Variants in SUSD6 observed in about 807,000 individuals in gnomAD.
SUSD6 encodes the protein sushi domain containing 6.
SUSD6 carries 16 observed loss-of-function variants against 28.4 expected under a neutral mutation model. That is an observed-to-expected ratio of 0.56 (90% CI 0.38 to 0.86). SUSD6 has a LOEUF of 0.86. Ranked by LOEUF, SUSD6 falls within the 40% of genes least tolerant of loss-of-function variation. SUSD6 has a pLI of 0.00. For synonymous variants in SUSD6, 147 were observed against 159.6 expected (o/e 0.92, Z 0.59); for missense variants, 341 against 384.2 (o/e 0.89, Z 0.94).
intron 1 of SUSD6, among the ~76,000 whole-genome samples, chr14:69,646,981 A>C (rs1352583439): frequency 6.6e-6 from 1 of 152,174 alleles, no homozygotes. Flanking sequence ...GATTACAGGC[A>C]TGAGCCACAG....
chr14:69,692,038 CAAAAAA>C (rs200335924), intron 2 of SUSD6, among the ~76,000 whole-genome samples: 1 of 68,312 alleles, frequency 1.5e-5, no homozygotes, highest in African/African-American at 4.8e-5. Flanking sequence ...GACTCCGTCT[CAAAAAA>C]AAAAAAAAAA....
intron 1 of SUSD6, among the ~76,000 whole-genome samples, chr14:69,650,112 C>T (rs1885481767): frequency 6.6e-6 from 1 of 152,152 alleles, no homozygotes; most frequent in Non-Finnish European, 1.5e-5. Context: ...GGGAGGCTCA[C>T]TTGTTTAACC....
intron 1 of SUSD6, among the ~76,000 whole-genome samples, chr14:69,640,474 A>T (rs984379272): frequency 1.3e-5 from 2 of 152,036 alleles, no homozygotes; most frequent in African/African-American, 4.8e-5. Flanking sequence ...AGCCAGGACT[A>T]CAGGTGCACA....
chr14:69,653,127 T>C (rs890542150), intron 1 of SUSD6, among the ~76,000 whole-genome samples: 1 of 152,138 alleles, frequency 6.6e-6, no homozygotes, highest in Non-Finnish European at 1.5e-5. Flanking sequence ...TTCTTCCTCA[T>C]TGGAGGAACT....
intron 4 of SUSD6, among the ~76,000 whole-genome samples, chr14:69,705,207 A>G (rs1252016508): frequency 6.6e-6 from 1 of 151,430 alleles, no homozygotes; most frequent in Non-Finnish European, 1.5e-5. Context: ...AGTCCCAGCT[A>G]CTCTGGAGGC....
intron 2 of SUSD6, among the ~76,000 whole-genome samples, chr14:69,686,304 T>C (rs577676476): frequency 6.6e-6 from 1 of 152,344 alleles, no homozygotes; most frequent in Non-Finnish European, 1.5e-5. Context: ...TTAGATATTT[T>C]ATGATCTTTT....
intron 2 of SUSD6, among the ~76,000 whole-genome samples, chr14:69,668,739 T>TG (rs1249156411): frequency 1.3e-5 from 2 of 152,154 alleles, no homozygotes; most frequent in Admixed American, 6.5e-5. Context: ...GGGAGGTGTT[T>TG]GGATCATGGG....
rs189624169 is a variant in SUSD6 at position 69,640,329 on chromosome 14, A to T, written c.-80-18184A>T. The stretch of plus-strand genomic sequence containing the variant: ...TTTATATATATATACACACACACAT[A>T]TAATATATAATATATATATTTGGAG... On this transcript the variant is annotated intron_variant, in intron 1 of 5. Coordinates refer to ENST00000342745, the MANE Select transcript of SUSD6 (RefSeq NM_014734.4). Among the ~76,000 whole-genome samples, 9 of 151,922 alleles carry T rather than the reference A, an allele frequency of 5.9e-5. No individual in the cohort carries two copies. The East Asian group carries it at 1.7e-3, about 29-fold the overall frequency.
rs180722652 is a variant in SUSD6, at chr14:69,664,645, C to T, written c.121+5932C>T. Among the ~76,000 whole-genome samples the T allele has an allele frequency of 5.7e-4, 87 of 152,222 alleles. 1 individual carries two copies. In the South Asian group the frequency reaches 0.01, roughly 18 times the overall value. On this transcript the variant is annotated intron_variant, in intron 2 of 5. Transcript: ENST00000342745. ...TGTTGTGCCATGTTTAAAACATTGACAACACATGGTACCACCCTCGCACTG... is the reference window on the plus strand; with the variant it reads ...TGTTGTGCCATGTTTAAAACATTGATAACACATGGTACCACCCTCGCACTG...
intron 1 of SUSD6, among the ~76,000 whole-genome samples, chr14:69,635,582 C>T (rs1405231766): frequency 2.0e-5 from 3 of 148,294 alleles, no homozygotes; most frequent in Non-Finnish European, 4.5e-5. Flanking sequence ...GCCCCCACTC[C>T]ACCCAAGGCA....
chr14:69,700,470 A>G (rs2139643662), intron 2 of SUSD6, among the ~76,000 whole-genome samples: 1 of 152,286 alleles, frequency 6.6e-6, no homozygotes, highest in South Asian at 2.1e-4. Context: ...TCCTTTTGTA[A>G]GGAAGGTCCT....
intron 2 of SUSD6, among the ~76,000 whole-genome samples, chr14:69,669,062 C>CTTTTTTTTTT (rs58962166): frequency 3.1e-4 from 24 of 77,948 alleles, no homozygotes; most frequent in East Asian, 1.0e-3. Flanking sequence ...CTTTTCTTTT[C>CTTTTTTTTTT]TTTTTTTTTT....
chr14:69,616,280 A>G (rs1423396623), intron 1 of SUSD6, among the ~76,000 whole-genome samples: 2 of 152,234 alleles, frequency 1.3e-5, no homozygotes, highest in Non-Finnish European at 2.9e-5. Flanking sequence ...TACCCTTTGT[A>G]GAGGAGAGGG....
At position 69,621,689 on chromosome 14, in the gene SUSD6, C is replaced by T. The variant is rs116321705; in HGVS notation, c.-81+9861C>T. On this transcript the variant is annotated intron_variant, in intron 1 of 5. Coordinates refer to ENST00000342745, the MANE Select transcript of SUSD6 (RefSeq NM_014734.4). ...TTTGGAGAGAAATATATTTAGTATC[C>T]AGTGTGTCAGGTTGCAGGCAAGGAA... 1.7e-3 allele frequency among the ~76,000 whole-genome samples: 261 copies of T among 152,278 alleles called. 1 individual carries two copies. The highest frequency in any genetic ancestry group is 5.9e-3 in the African/African-American group (244 of 41,534).
At chr14:69,698,164 C>T (rs560026099) in intron 2 of SUSD6, among the ~76,000 whole-genome samples, 12 of 152,312 alleles carry the variant, frequency 7.9e-5, no homozygotes, top group African/African-American at 2.6e-4. Context: ...CCTGTCTCTA[C>T]TAAAAATACA....
At chr14:69,649,447 G>A (rs1003421043) in intron 1 of SUSD6, among the ~76,000 whole-genome samples, 2 of 152,262 alleles carry the variant, frequency 1.3e-5, no homozygotes, top group East Asian at 1.9e-4. Flanking sequence ...AATTACAGTC[G>A]CCTCTGCCAA....
chr14:69,682,992 T>C (rs1886020758), intron 2 of SUSD6, among the ~76,000 whole-genome samples: 1 of 146,662 alleles, frequency 6.8e-6, no homozygotes, highest in Admixed American at 7.0e-5. Context: ...ATTTTTACTT[T>C]CCTCTTATGG....
chr14:69,645,883 G>T (rs1406913988), intron 1 of SUSD6, among the ~76,000 whole-genome samples: 1 of 152,006 alleles, frequency 6.6e-6, no homozygotes, highest in Non-Finnish European at 1.5e-5. Context: ...CCAAGTAGCT[G>T]GGACTACAGG....
chr14:69,619,334 C>T (rs1410926660), intron 1 of SUSD6, among the ~76,000 whole-genome samples: 1 of 152,218 alleles, frequency 6.6e-6, no homozygotes, highest in Admixed American at 6.5e-5. Flanking sequence ...GGCTGCTCTG[C>T]CTATGGAGCA....
Sources: gnomAD v4.1 joint callset for allele counts (sites outside exome capture counted in the v4.1 genomes callset) on GRCh38, gnomAD v4.1.1 for gene constraint, MANE v1.5 for transcripts, NCBI Gene and HGNC (gene_info 2026-07-23, HGNC 2026-07-21) for gene names.